The following STAC variants were observed in gnomAD, a reference collection of about 807,000 sequenced individuals.
STAC encodes the protein SH3 and cysteine rich domain, also known as SH3 and cysteine-rich domain-containing protein.
In STAC, 43 loss-of-function variants were observed where a neutral mutation model predicts 48.8. The ratio of observed to expected loss-of-function variants is 0.88; its 90% CI spans 0.69 to 1.14. The LOEUF is 1.14. STAC is among the 50% of genes most tolerant of loss of function. STAC has a pLI of 0.00. For missense variants in STAC, 497 were observed against 504.0 expected (o/e 0.99, Z 0.13); for synonymous variants, 193 against 179.5 (o/e 1.07, Z -0.60).
intron 1 of STAC, among the ~76,000 whole-genome samples, chr3:36,441,327 G>C (rs1334508953): frequency 1.3e-5 from 2 of 151,920 alleles, no homozygotes; most frequent in African/African-American, 4.8e-5. Flanking sequence ...TTCCACATAT[G>C]AGTGAGAACA....
chr3:36,545,287 A>G (rs569201995), intron 10 of STAC, among the ~76,000 whole-genome samples: 201 of 152,334 alleles, frequency 1.3e-3, no homozygotes, highest in African/African-American at 4.6e-3. Context: ...GATGCAATTC[A>G]TGCTCCAGAG....
chr3:36,403,843 A>G (rs1208550135), intron 1 of STAC, among the ~76,000 whole-genome samples: 1 of 152,180 alleles, frequency 6.6e-6, no homozygotes, highest in Admixed American at 6.5e-5. Context: ...CTGGAATCCA[A>G]TACTGAGTCA....
At chr3:36,380,785 C>T (rs1699492237) in intron 1 of STAC, 31 bp downstream of exon 1, 27 of 1,527,882 alleles carry the variant, frequency 1.8e-5, no homozygotes, top group Non-Finnish European at 2.4e-5. Context: ...CAAGAGAACA[C>T]AAACTCACTC....
At chr3:36,496,434 A>C (rs930831565) in intron 6 of STAC, among the ~76,000 whole-genome samples, 2 of 152,206 alleles carry the variant, frequency 1.3e-5, no homozygotes, top group Admixed American at 6.5e-5. Flanking sequence ...AGTCACAACC[A>C]GTTCTGCATT....
rs190946767 is a variant in STAC, at chr3:36,477,005, G to A, written c.389-5987G>A. Reference sequence around the variant, plus strand: ...GCCTAGAAATTCTTTGGACTATCTTGCCTGTATTTACCTTAGAATCACTTA... The same window carrying A: ...GCCTAGAAATTCTTTGGACTATCTTACCTGTATTTACCTTAGAATCACTTA... On this transcript the variant is annotated intron_variant, in intron 2 of 10. Coordinates refer to ENST00000273183, the MANE Select transcript of STAC (RefSeq NM_003149.3). Among the ~76,000 whole-genome samples the A allele has an allele frequency of 8.5e-4, 129 of 152,282 alleles. 1 individual carries two copies. The Middle Eastern group carries it at 0.014, about 16-fold the overall frequency.
chr3:36,441,445 T>C (rs1346591859), intron 1 of STAC, among the ~76,000 whole-genome samples: 1 of 152,210 alleles, frequency 6.6e-6, no homozygotes, highest in African/African-American at 2.4e-5. Flanking sequence ...TATGGCTGAA[T>C]AGTATTTCAT....
chr3:36,385,039 G>T (rs908925762), intron 1 of STAC, among the ~76,000 whole-genome samples: 3 of 152,118 alleles, frequency 2.0e-5, no homozygotes, highest in Non-Finnish European at 2.9e-5. Context: ...AAATCACCAA[G>T]GGAACCCAGG....
At chr3:36,512,130 T>C (rs377593445) in intron 8 of STAC, among the ~76,000 whole-genome samples, 284 of 152,272 alleles carry the variant, frequency 1.9e-3, no homozygotes, top group African/African-American at 6.5e-3. Context: ...ATTAAGGTCT[T>C]GTACATCTGA....
rs770922203 is a variant in STAC, at chr3:36,493,225, C to G, written c.762C>G (p.Asn254Lys). The G allele has an allele frequency of 6.2e-7, 1 of 1,613,170 alleles. No homozygotes were observed. Among genetic ancestry groups the G allele is most frequent in the South Asian group, 1.1e-5 (1 of 91,040 alleles). ...GGGYDLRKRSNSVFTYPENGT... is the reference protein window; with the variant it reads ...GGGYDLRKRSKSVFTYPENGT... ...GGTATGACCTAAGGAAACGCAGCAA[C>G]AGCGGTGAGTGAGGGAGTTGGCACA... The change falls in exon 6 of 11, where the codon AAC (asparagine) becomes AAG (lysine). Residue 254 changes from asparagine (N) to lysine (K), a missense_variant. Transcript: ENST00000273183.
chr3:36,514,864 G>C (rs908786557), intron 8 of STAC, among the ~76,000 whole-genome samples: 1 of 151,850 alleles, frequency 6.6e-6, no homozygotes, highest in Non-Finnish European at 1.5e-5. Context: ...GTGACACCCC[G>C]TCTCTATTAA....
intron 7 of STAC, 119 bp downstream of exon 7, chr3:36,504,576 T>A (rs908155986): frequency 2.0e-5 from 15 of 753,732 alleles, no homozygotes; most frequent in Non-Finnish European, 3.5e-5. Flanking sequence ...CTTTAGAGAA[T>A]AGAATAATAT....
At chr3:36,446,238 C>T (rs996572507) in intron 2 of STAC, among the ~76,000 whole-genome samples, 1 of 152,182 alleles carries the variant, frequency 6.6e-6, no homozygotes, top group African/African-American at 2.4e-5. Flanking sequence ...TAAGCTATCC[C>T]TTCCCAGAAA....
In STAC at chr3:36,546,660, T is replaced by C; in HGVS notation, c.*371T>C. 3.8e-6 allele frequency: 1 copy of C among 263,794 alleles called. No homozygotes were observed. Among genetic ancestry groups the C allele is most frequent in the Non-Finnish European group, 7.3e-6 (1 of 136,602 alleles). The allele number at this position is 263,794 out of a possible 1,614,324, so 16.3% of individuals were successfully genotyped here. ...GTTTGCAGGGTAGCCCAGTGCAAGG[T>C]TCAGATCCATGTAGCTAAGTATTAT... On this transcript the variant is annotated 3_prime_UTR_variant, in exon 11 of 11. Coordinates refer to ENST00000273183, the MANE Select transcript of STAC (RefSeq NM_003149.3).
chr3:36,478,714 C>G (rs1305265586), intron 2 of STAC, among the ~76,000 whole-genome samples: 1 of 152,070 alleles, frequency 6.6e-6, no homozygotes, highest in African/African-American at 2.4e-5. Flanking sequence ...TTTCAAACTC[C>G]TGACCTCAAG....
intron 1 of STAC, among the ~76,000 whole-genome samples, chr3:36,402,019 G>A (rs968429641): frequency 2.0e-5 from 3 of 152,086 alleles, no homozygotes; most frequent in South Asian, 2.1e-4. Flanking sequence ...AAGTAAAGCC[G>A]CTTGCCCATG....
chr3:36,518,267 A>ATTGAAAC (rs1698721726), intron 8 of STAC, among the ~76,000 whole-genome samples: 1 of 152,232 alleles, frequency 6.6e-6, no homozygotes, highest in Admixed American at 6.5e-5. Context: ...GAGAGTAAAT[A>ATTGAAAC]AAAGATTTAA....
intron 1 of STAC, among the ~76,000 whole-genome samples, chr3:36,430,749 T>C (rs1168774275): frequency 2.0e-5 from 3 of 152,134 alleles, no homozygotes; most frequent in East Asian, 3.9e-4. Flanking sequence ...AAGATCAAGG[T>C]ATTGGTTTCT....
At chr3:36,414,241 G>A (rs967427684) in intron 1 of STAC, among the ~76,000 whole-genome samples, 7 of 152,140 alleles carry the variant, frequency 4.6e-5, no homozygotes, top group African/African-American at 1.4e-4. Flanking sequence ...GGTTGGGGAA[G>A]TTCTCCTGGA....
At chr3:36,442,180 G>C (rs1236682852) in intron 1 of STAC, among the ~76,000 whole-genome samples, 4 of 152,132 alleles carry the variant, frequency 2.6e-5, no homozygotes, top group South Asian at 2.1e-4. Context: ...AAACTAAAAC[G>C]ATCACTTTCT....
Sources: gnomAD v4.1 joint callset for allele counts (sites outside exome capture counted in the v4.1 genomes callset) on GRCh38, gnomAD v4.1.1 for gene constraint, MANE v1.5 for transcripts, NCBI Gene and HGNC (gene_info 2026-07-23, HGNC 2026-07-21) for gene names.